The following PTPRG variants were observed in gnomAD, a reference collection of about 807,000 sequenced individuals.
The protein encoded by PTPRG is receptor-type tyrosine-protein phosphatase gamma.
PTPRG carries 102 observed loss-of-function variants against 165.3 expected under a neutral mutation model. That is an observed-to-expected ratio of 0.62 (90% CI 0.53 to 0.73). The LOEUF (loss-of-function observed/expected upper bound fraction) is 0.73. Among genes scored for constraint, PTPRG ranks in the 30% least tolerant of loss-of-function variants. The pLI, the probability that PTPRG is intolerant of heterozygous loss-of-function variation, is 0.00. For missense variants in PTPRG, 1,866 were observed against 1,861.4 expected (o/e 1.00, Z -0.05); for synonymous variants, 675 against 669.5 (o/e 1.01, Z -0.13).
chr3:61,747,639 AT>A (rs58063476), intron 1 of PTPRG, among the ~76,000 whole-genome samples: 68,484 of 151,772 alleles, frequency 0.45, 16,080 homozygotes, highest in Non-Finnish European at 0.52. Context: ...AGGTTTCTTA[AT>A]TTTTTTTAAT....
intron 2 of PTPRG, among the ~76,000 whole-genome samples, chr3:61,783,331 C>A (rs776870558): frequency 6.6e-6 from 1 of 152,024 alleles, no homozygotes; most frequent in African/African-American, 2.4e-5. Context: ...CAGAGTGAGA[C>A]CCGTGTCAAA....
chr3:61,997,450 C>A (rs1428591812), intron 3 of PTPRG, among the ~76,000 whole-genome samples: 1 of 152,144 alleles, frequency 6.6e-6, no homozygotes, highest in Non-Finnish European at 1.5e-5. Flanking sequence ...GGGTACCTGT[C>A]ACCTTGGCTT....
chr3:61,716,272 A>AT (rs1315819663), intron 1 of PTPRG, among the ~76,000 whole-genome samples: 5 of 152,022 alleles, frequency 3.3e-5, no homozygotes, highest in Admixed American at 2.6e-4. Flanking sequence ...AATTTAATGT[A>AT]TTTTTTTCAT....
chr3:61,670,926 T>C (rs1014239688), intron 1 of PTPRG, among the ~76,000 whole-genome samples: 6 of 152,088 alleles, frequency 3.9e-5, no homozygotes, highest in East Asian at 1.9e-4. Context: ...GAGTGTGACG[T>C]AGAGACACTG....
intron 1 of PTPRG, among the ~76,000 whole-genome samples, chr3:61,654,591 G>T (rs1702456728): frequency 6.6e-6 from 1 of 151,838 alleles, no homozygotes; most frequent in South Asian, 2.1e-4. Flanking sequence ...TCGTCATGTT[G>T]TCCAGGCTGG....
rs1366306843 is a variant in PTPRG, at chr3:62,195,947, C to T, written c.1327+777C>T. On this transcript the variant is annotated intron_variant, in intron 10 of 29. Coordinates refer to ENST00000474889, the MANE Select transcript of PTPRG (RefSeq NM_002841.4). This position sits in a 1 kb window ranked among gnomAD's most constrained non-coding sequence, Gnocchi z 4.4. ...GGATTACAGGCACCTGCCACCACGCCCAGCTAATTTTTTGTATTTTTACTA... is the reference window on the plus strand; with the variant it reads ...GGATTACAGGCACCTGCCACCACGCTCAGCTAATTTTTTGTATTTTTACTA... 6.6e-6 allele frequency among the ~76,000 whole-genome samples: 1 copy of T among 151,906 alleles called. No individual in the cohort carries two copies. Among genetic ancestry groups the T allele is most frequent in the Non-Finnish European group, 1.5e-5 (1 of 67,964 alleles).
chr3:61,794,821 C>A (rs1020444467), intron 2 of PTPRG, among the ~76,000 whole-genome samples: 1 of 151,992 alleles, frequency 6.6e-6, no homozygotes, highest in African/African-American at 2.4e-5. Flanking sequence ...CGGTCTCCCA[C>A]CTGAGAATGA....
intron 1 of PTPRG, among the ~76,000 whole-genome samples, chr3:61,590,166 A>G (rs909520663): frequency 1.1e-4 from 16 of 151,430 alleles, no homozygotes; most frequent in Admixed American, 7.9e-4. Flanking sequence ...GGCCAGGAGC[A>G]TGGCAGCATC....
At chr3:62,291,397 A>G (rs938413855) in intron 28 of PTPRG, among the ~76,000 whole-genome samples, 2 of 152,162 alleles carry the variant, frequency 1.3e-5, no homozygotes, top group Non-Finnish European at 2.9e-5. Context: ...ATGTCCATCT[A>G]GAAGGTAAAC....
At chr3:61,823,390 A>G (rs1042857384) in intron 2 of PTPRG, among the ~76,000 whole-genome samples, 1 of 152,154 alleles carries the variant, frequency 6.6e-6, no homozygotes, top group Non-Finnish European at 1.5e-5. Context: ...GGGTTTCACC[A>G]TGTTGAGCAG....
intron 5 of PTPRG, among the ~76,000 whole-genome samples, chr3:62,110,778 C>G (rs1362759235): frequency 6.6e-6 from 1 of 152,184 alleles, no homozygotes; most frequent in Non-Finnish European, 1.5e-5. Flanking sequence ...TTCCCACTTT[C>G]TCTGCATACA....
chr3:62,171,812 C>T (rs1012122261), intron 8 of PTPRG, among the ~76,000 whole-genome samples: 8 of 151,982 alleles, frequency 5.3e-5, no homozygotes, highest in Admixed American at 3.9e-4. Flanking sequence ...AGTCATGCAC[C>T]CATTGCCACC....
chr3:61,953,024 G>C (rs1222161928), intron 2 of PTPRG, among the ~76,000 whole-genome samples: 1 of 152,132 alleles, frequency 6.6e-6, no homozygotes, highest in Non-Finnish European at 1.5e-5. Flanking sequence ...ATAGGTCTCA[G>C]GATACATCCT....
rs1162032283 is a variant in PTPRG at position 62,229,811 on chromosome 3, A to G, written c.2289-1414A>G. On this transcript the variant is annotated intron_variant, in intron 13 of 29. Coordinates refer to ENST00000474889, the MANE Select transcript of PTPRG (RefSeq NM_002841.4). The surrounding 1 kb of genome is among the most constrained non-coding windows in gnomAD (Gnocchi z 4.6). ...AAAGTGTTGTCAGTTTACGGGTGGT[A>G]GTTTTAAGCGCCTGTGATTGTGTGT... Among the ~76,000 whole-genome samples the G allele has an allele frequency of 6.6e-6, 1 of 152,216 alleles. No individual in the cohort carries two copies. Among genetic ancestry groups the G allele is most frequent in the South Asian group, 2.1e-4 (1 of 4,836 alleles).
intron 1 of PTPRG, among the ~76,000 whole-genome samples, chr3:61,589,475 A>G (rs1386681545): frequency 1.3e-5 from 2 of 152,224 alleles, no homozygotes; most frequent in Non-Finnish European, 2.9e-5. Flanking sequence ...CTGCCATAGA[A>G]GTGAGAAAAC....
intron 8 of PTPRG, among the ~76,000 whole-genome samples, chr3:62,182,605 G>A (rs750681163): frequency 6.6e-6 from 1 of 152,198 alleles, no homozygotes; most frequent in Non-Finnish European, 1.5e-5. Context: ...ATAGTTCCTG[G>A]TCAAGGGCCT....
chr3:62,105,477 A>C (rs1702443538), intron 5 of PTPRG, among the ~76,000 whole-genome samples: 1 of 152,198 alleles, frequency 6.6e-6, no homozygotes, highest in Admixed American at 6.5e-5. Flanking sequence ...TATCAATAGG[A>C]GAGTGAAGAT....
chr3:62,167,486 G>A (rs989068007), intron 7 of PTPRG, among the ~76,000 whole-genome samples: 1 of 152,178 alleles, frequency 6.6e-6, no homozygotes, highest in Non-Finnish European at 1.5e-5. Flanking sequence ...GGTAAATATT[G>A]TTATGATTAT....
chr3:61,866,582 CTTTTTTT>C (rs532356516), intron 2 of PTPRG, among the ~76,000 whole-genome samples: 62 of 69,078 alleles, frequency 9.0e-4, no homozygotes, highest in African/African-American at 2.2e-3. Context: ...ACTGTTTGCT[CTTTTTTT>C]TTTTTTTTTT....
Sources: allele counts gnomAD v4.1 joint callset (sites outside exome capture counted in the v4.1 genomes callset), GRCh38; gene constraint gnomAD v4.1.1; non-coding constraint Gnocchi (gnomAD v3.1); transcripts MANE v1.5; gene names NCBI Gene and HGNC (gene_info 2026-07-23, HGNC 2026-07-21).